The following DPH6 variants were observed in gnomAD, a reference collection of about 807,000 sequenced individuals.
DPH6 encodes diphthine--ammonia ligase.
A neutral mutation model predicts 38.2 loss-of-function variants in DPH6; 33 were observed. The observed-to-expected ratio is 0.86, with a 90% CI of 0.65 to 1.15. The LOEUF is 1.15. Among genes scored for constraint, DPH6 ranks in the 50% most tolerant of loss-of-function variants. The pLI, the probability that DPH6 is intolerant of heterozygous loss-of-function variation, is 0.00. For missense variants in DPH6, 325 were observed against 320.0 expected (o/e 1.02, Z -0.12); for synonymous variants, 108 against 103.0 (o/e 1.05, Z -0.30).
intron 3 of DPH6, among the ~76,000 whole-genome samples, chr15:35,485,341 A>C (rs2054383036): frequency 2.0e-5 from 3 of 152,186 alleles, no homozygotes; most frequent in Admixed American, 2.0e-4. Flanking sequence ...TTAATGTTTA[A>C]ATCATTACTA....
At chr15:35,386,801 C>T (rs935867523) in intron 6 of DPH6, among the ~76,000 whole-genome samples, 3 of 152,042 alleles carry the variant, frequency 2.0e-5, no homozygotes, top group African/African-American at 7.2e-5. Flanking sequence ...TGCCTGTTCA[C>T]ACTGATGGTG....
chr15:35,187,530 C>T, the DPH6 span, among the ~76,000 whole-genome samples: 311 of 152,194 alleles, frequency 2.0e-3, 1 homozygote, highest in African/African-American at 6.9e-3. Context: ...AGTGTTTATG[C>T]CCAGCTGCTT....
intron 3 of DPH6, among the ~76,000 whole-genome samples, chr15:35,343,050 G>A (rs1297028738): frequency 1.3e-5 from 2 of 152,096 alleles, no homozygotes; most frequent in Non-Finnish European, 2.9e-5. Flanking sequence ...AGTAAAGCTA[G>A]GGAACTCTAT....
chr15:35,254,427 G>T (rs2051693968), intron 3 of DPH6, among the ~76,000 whole-genome samples: 1 of 152,158 alleles, frequency 6.6e-6, no homozygotes, highest in African/African-American at 2.4e-5. Flanking sequence ...TTGTAAATTA[G>T]GTACTGGCAA....
chr15:35,496,585 T>TATATATATATATATATATATAG, intron 3 of DPH6, among the ~76,000 whole-genome samples: 1 of 107,426 alleles, frequency 9.3e-6, no homozygotes, highest in Non-Finnish European at 1.7e-5. Context: ...TATATATATA[T>TATATATATATATATATATATAG]ATATATCCTC....
intron 5 of DPH6, among the ~76,000 whole-genome samples, chr15:35,423,365 G>T (rs2053529967): frequency 6.6e-6 from 1 of 151,690 alleles, no homozygotes; most frequent in Non-Finnish European, 1.5e-5. Flanking sequence ...GTCCATTCAA[G>T]TCCTTTGCCC....
chr15:35,411,094 A>C (rs1249140777), intron 5 of DPH6, among the ~76,000 whole-genome samples, 198 bp from the exon 6 acceptor site: 1 of 151,706 alleles, frequency 6.6e-6, no homozygotes, highest in East Asian at 1.9e-4. Flanking sequence ...TGCTTCTGAA[A>C]AGTAAGTTTC....
At chr15:35,279,084 T>TATATATAA (rs1440623243) in intron 3 of DPH6, among the ~76,000 whole-genome samples, 3 of 143,314 alleles carry the variant, frequency 2.1e-5, no homozygotes, top group African/African-American at 7.9e-5. Flanking sequence ...TATATATATA[T>TATATATAA]AATTTTGGAG....
chr15:35,358,544 T>C (rs1186300604), intron 3 of DPH6, among the ~76,000 whole-genome samples: 1 of 152,200 alleles, frequency 6.6e-6, no homozygotes, highest in Non-Finnish European at 1.5e-5. Flanking sequence ...GGCTGAAGGC[T>C]GTTGTTCAGA....
chr15:35,279,067 A>AT (rs1349425622), intron 3 of DPH6, among the ~76,000 whole-genome samples: 1,587 of 126,738 alleles, frequency 0.013, 8 homozygotes, highest in African/African-American at 0.017. Context: ...AAAAAAAAAA[A>AT]AATATATATA....
rs531326030 is a variant in DPH6 at position 35,393,107 on chromosome 15, T to G, written c.568-11191A>C. The stretch of plus-strand genomic sequence containing the variant: ...AACTGACCTGATTGCATCTGCATTT[T>G]AGAAACATCATTTTGGATGAATGAT... On this transcript the variant is annotated intron_variant, in intron 6 of 8. Transcript: ENST00000256538. 6.6e-5 allele frequency among the ~76,000 whole-genome samples: 10 copies of G among 152,290 alleles called. No individual in the cohort carries two copies. In the South Asian group the frequency reaches 1.9e-3, roughly 28 times the overall value.
chr15:35,278,737 G>T (rs1392786697), intron 3 of DPH6, among the ~76,000 whole-genome samples: 1 of 152,138 alleles, frequency 6.6e-6, no homozygotes, highest in Non-Finnish European at 1.5e-5. Context: ...ACCCCTGAAT[G>T]CAGGACATTA....
intron 6 of DPH6, among the ~76,000 whole-genome samples, chr15:35,396,831 T>C (rs2053140305): frequency 6.6e-6 from 1 of 152,214 alleles, no homozygotes; most frequent in African/African-American, 2.4e-5. Context: ...GGCATTTTTT[T>C]CCATAAAGTC....
chr15:35,446,962 G>A (rs1486536502), intron 5 of DPH6, among the ~76,000 whole-genome samples: 2 of 151,438 alleles, frequency 1.3e-5, no homozygotes, highest in Admixed American at 1.3e-4. Context: ...TCTGCCTCCT[G>A]GGTTCATGCC....
intron 5 of DPH6, among the ~76,000 whole-genome samples, chr15:35,446,892 G>A (rs895681490): frequency 4.7e-5 from 7 of 149,120 alleles, no homozygotes; most frequent in Admixed American, 1.3e-4. Flanking sequence ...TTCCTGAGAC[G>A]GAGTCTTGCT....
At chr15:35,533,891 C>G (rs12913298) in intron 3 of DPH6, among the ~76,000 whole-genome samples, 6 of 152,028 alleles carry the variant, frequency 3.9e-5, no homozygotes, top group Non-Finnish European at 8.8e-5. Flanking sequence ...AGGAACCAAA[C>G]TAGGCCACAC....
intron 6 of DPH6, among the ~76,000 whole-genome samples, chr15:35,395,031 G>A (rs185472024): frequency 6.6e-6 from 1 of 152,268 alleles, no homozygotes; most frequent in East Asian, 1.9e-4. Flanking sequence ...TGTGCCTTTG[G>A]TTTATATGTT....
intron 3 of DPH6, among the ~76,000 whole-genome samples, chr15:35,233,949 T>A (rs542725843): frequency 6.6e-6 from 1 of 152,354 alleles, no homozygotes; most frequent in South Asian, 2.1e-4. Context: ...ATTGTTTTAT[T>A]TATTTTATAG....
chr15:35,301,075 G>C (rs1439612423), intron 3 of DPH6, among the ~76,000 whole-genome samples: 1 of 152,118 alleles, frequency 6.6e-6, no homozygotes, highest in Non-Finnish European at 1.5e-5. Flanking sequence ...GGAATTATAT[G>C]AATCAAGAAC....
Sources: allele counts gnomAD v4.1 joint callset (sites outside exome capture counted in the v4.1 genomes callset), GRCh38; gene constraint gnomAD v4.1.1; transcripts MANE v1.5; gene names NCBI Gene and HGNC (gene_info 2026-07-23, HGNC 2026-07-21).